The following LGALS3BP variants were observed in gnomAD, a reference collection of about 807,000 sequenced individuals.
LGALS3BP encodes the protein galectin-3-binding protein.
Under a neutral mutation model 22.9 loss-of-function variants are expected in LGALS3BP, and 25 were observed. The ratio of observed to expected loss-of-function variants is 1.09; its 90% confidence interval spans 0.80 to 1.53. The LOEUF (loss-of-function observed/expected upper bound fraction) is 1.53. LGALS3BP is among the 40% of genes most tolerant of loss of function. The pLI, the probability that LGALS3BP is intolerant of heterozygous loss-of-function variation, is 0.00. For synonymous variants in LGALS3BP, 335 were observed against 331.1 expected (o/e 1.01, Z -0.13); for missense variants, 718 against 752.0 (o/e 0.95, Z 0.53).
chr17:78,974,877 C>T (rs1227501504), intron 3 of LGALS3BP, 58 bp from the exon 4 acceptor site: 21 of 1,590,674 alleles, frequency 1.3e-5, no homozygotes, highest in African/African-American at 5.4e-5. Flanking sequence ...AGGAGTCCCA[C>T]AGCGCGACTC....
chr17:78,974,877 C>G, intron 3 of LGALS3BP, 58 bp from the exon 4 acceptor site: 1 of 1,590,792 alleles, frequency 6.3e-7, no homozygotes, highest in East Asian at 2.3e-5. Context: ...AGGAGTCCCA[C>G]AGCGCGACTC....
rs779167306 is a variant in LGALS3BP at position 78,971,908 on chromosome 17, C to A, written c.1426G>T (p.Val476Leu). The change falls in exon 6 of 6, where the codon GTG becomes TTG. Residue 476 changes from valine (V) to leucine (L), a missense_variant. Coordinates refer to ENST00000262776, the MANE Select transcript of LGALS3BP (RefSeq NM_005567.4). The surrounding 1 kb of genome is among the most constrained non-coding windows in gnomAD (Gnocchi z 5.6). ...GGGAGGTAGACCAGGGACCAGGACA[C>A]CCTCTTGTCCTGGAAGAGGAAGCTG... is the stretch of plus-strand genomic sequence containing the variant. ...HPSFLFQDKRVSWSLVYLPTI... is the reference protein window; with the variant it reads ...HPSFLFQDKRLSWSLVYLPTI... 8 of 1,613,896 alleles carry A rather than the reference C, an allele frequency of 5.0e-6. No individual in the cohort carries two copies. Among genetic ancestry groups the A allele is most frequent in the Admixed American group, 1.7e-5 (1 of 59,996 alleles).
At position 78,971,403 on chromosome 17, in the gene LGALS3BP, C is replaced by T. The variant is rs1424403452; in HGVS notation, c.*173G>A. On this transcript the variant is annotated 3_prime_UTR_variant, in exon 6 of 6. Coordinates refer to ENST00000262776, the MANE Select transcript of LGALS3BP (RefSeq NM_005567.4). The surrounding 1 kb of genome is among the most constrained non-coding windows in gnomAD (Gnocchi z 5.6). ...AGGTGGTGGGAGAACTCCTGGTGGA[C>T]CCTAGTGGAAGCCTTCCAGTAATTT... 1.6e-6 allele frequency: 1 copy of T among 626,674 alleles called. No homozygotes were observed. The highest frequency in any genetic ancestry group is 2.7e-6 in the Non-Finnish European group (1 of 364,448). 38.8% of individuals were successfully genotyped at this position (626,674 alleles called of 1,614,324 possible).
At chr17:78,978,046 G>T (rs192864495) in intron 1 of LGALS3BP, among the ~76,000 whole-genome samples, 106 of 152,274 alleles carry the variant, frequency 7.0e-4, no homozygotes, top group African/African-American at 2.5e-3. Flanking sequence ...AGACAGTTAT[G>T]GTTTCTCTGG....
In LGALS3BP at chr17:78,971,298, G is replaced by A. The variant is rs2070667354; in HGVS notation, c.*278C>T. ...TTTAATGACCTCAGACCAGTGACAAGGGCAGACTGACCAGGGGCTGTGGGG... is the reference window on the plus strand; with the variant it reads ...TTTAATGACCTCAGACCAGTGACAAAGGCAGACTGACCAGGGGCTGTGGGG... On this transcript the variant is annotated 3_prime_UTR_variant, in exon 6 of 6. Coordinates refer to ENST00000262776, the MANE Select transcript of LGALS3BP (RefSeq NM_005567.4). The surrounding 1 kb of genome is among the most constrained non-coding windows in gnomAD (Gnocchi z 5.6). 2.0e-6 allele frequency: 1 copy of A among 504,594 alleles called. No homozygotes were observed. Among genetic ancestry groups the A allele is most frequent in the South Asian group, 2.6e-5 (1 of 38,108 alleles). The allele number at this position is 504,594 out of a possible 1,614,324, so 31.3% of individuals were successfully genotyped here.
chr17:78,971,666 G>C lies in LGALS3BP; in HGVS notation c.1668C>G (p.Thr556=). The C allele has an allele frequency of 6.2e-7, 1 of 1,613,848 alleles. No individual in the cohort carries two copies. The highest frequency in any genetic ancestry group is 1.1e-5 in the South Asian group (1 of 91,084). ...SALDTNSSKS[T]SSFPCPAGHF... is the part of the protein sequence containing the mutation. ...GCCCTGCCGGGCAGGGGAAGGAGGA[G>C]GTGCTCTTCGAGCTGTTGGTGTCCA... The change falls in exon 6 of 6, where the codon ACC becomes ACG. Residue 556 remains threonine, a synonymous_variant. Coordinates refer to ENST00000262776, the MANE Select transcript of LGALS3BP (RefSeq NM_005567.4). This position sits in a 1 kb window ranked among gnomAD's most constrained non-coding sequence, Gnocchi z 5.6.
At position 78,976,013 on chromosome 17, in the gene LGALS3BP, C is replaced by T; in HGVS notation, c.196G>A (p.Gly66Ser). The T allele has an allele frequency of 6.2e-7, 1 of 1,612,636 alleles. No homozygotes were observed. The highest frequency in any genetic ancestry group is 1.1e-5 in the South Asian group (1 of 90,916). The change falls in exon 3 of 6, where the codon GGC (glycine) becomes AGC (serine). Residue 66 changes from glycine to serine, a missense_variant. Physicochemically the swap from Gly to Ser is moderately conservative, Grantham distance 56 (BLOSUM62 0). Coordinates refer to ENST00000262776, the MANE Select transcript of LGALS3BP (RefSeq NM_005567.4). This position sits in a 1 kb window ranked among gnomAD's most constrained non-coding sequence, Gnocchi z 4.6. ...AGAGCCTGGGTGGCGTTCTCGAAGC[C>T]CAGGGCCCGGCAGACGACGCTGGCA... ...TDASVVCRAL[G>S]FENATQALGR...
chr17:78,974,829 C>T lies in LGALS3BP; in HGVS notation c.245-10G>A, dbSNP rs1487911837. On this transcript the variant is annotated splice_polypyrimidine_tract_variant and intron_variant, in intron 3 of 5. Transcript: ENST00000262776. ...ATGATGGGGCCTGATCCTGTGGACA[C>T]AGCAGATGGCAGGGCTGGGGGCGTG... The T allele has an allele frequency of 8.1e-6, 13 of 1,611,936 alleles. No individual in the cohort carries two copies. Among genetic ancestry groups the T allele is most frequent in the Non-Finnish European group, 1.0e-5 (12 of 1,178,790 alleles).
chr17:78,976,983 C>G lies in LGALS3BP; in HGVS notation c.52+157G>C. 2 of 745,952 alleles carry G rather than the reference C, an allele frequency of 2.7e-6. No homozygotes were observed. The allele number at this position is 745,952 out of a possible 1,614,324, so 46.2% of individuals were successfully genotyped here. A position where few individuals can be genotyped will look rare whatever the true frequency, so the allele number is the denominator to read the frequency against. ...CCCCCGGGAACCTCCAAGTCATCAT[C>G]ACTGGGGATACCTGGTGCTTCAAGC... is the stretch of plus-strand genomic sequence containing the variant. On this transcript the variant is annotated intron_variant, in intron 2 of 5. Transcript: ENST00000262776. This position sits in a 1 kb window ranked among gnomAD's most constrained non-coding sequence, Gnocchi z 4.6.
At chr17:78,975,877 G>T in intron 3 of LGALS3BP, 88 bp downstream of exon 3, 2 of 711,472 alleles carry the variant, frequency 2.8e-6, no homozygotes, top group Non-Finnish European at 2.1e-6. Context: ...TTTGAAACCT[G>T]ACTGTTTCGT....
Position 78,971,442 on chromosome 17 carries a change from G to A in LGALS3BP, c.*134C>T, listed in dbSNP as rs1270944806. 1.3e-6 allele frequency: 1 copy of A among 767,180 alleles called. No individual in the cohort carries two copies. The highest frequency in any genetic ancestry group is 2.0e-6 in the Non-Finnish European group (1 of 488,322). 47.5% of individuals were successfully genotyped at this position (767,180 alleles called of 1,614,324 possible). ...TTCCAGTAATTTCTTGAAGCTGAGC[G>A]CTCAGGTGAGTAGGGCGACATCTGG... On this transcript the variant is annotated 3_prime_UTR_variant, in exon 6 of 6. Coordinates refer to ENST00000262776, the MANE Select transcript of LGALS3BP (RefSeq NM_005567.4). The surrounding 1 kb of genome is among the most constrained non-coding windows in gnomAD (Gnocchi z 5.6).
rs1183986261 is a variant in LGALS3BP at position 78,971,698 on chromosome 17, T to C, written c.1636A>G (p.Ser546Gly). ...TTCGAGCTGTTGGTGTCCAGGGCACTGGGAATCGCAGCCTTCCAGCCCTCG... is the reference window on the plus strand; with the variant it reads ...TTCGAGCTGTTGGTGTCCAGGGCACCGGGAATCGCAGCCTTCCAGCCCTCG... ...DFEGWKAAIP[S>G]ALDTNSSKST... The change falls in exon 6 of 6, where the codon AGT becomes GGT. Residue 546 changes from serine to glycine, a missense_variant. Transcript: ENST00000262776. The surrounding 1 kb of genome is among the most constrained non-coding windows in gnomAD (Gnocchi z 5.6). 6.2e-7 allele frequency: 1 copy of C among 1,613,916 alleles called. No homozygotes were observed. Among genetic ancestry groups the C allele is most frequent in the South Asian group, 1.1e-5 (1 of 91,082 alleles).
intron 1 of LGALS3BP, among the ~76,000 whole-genome samples, chr17:78,978,516 G>A (rs1363819310): frequency 6.6e-6 from 1 of 152,268 alleles, no homozygotes; most frequent in Non-Finnish European, 1.5e-5. Flanking sequence ...CAGGGGGTCT[G>A]CTCGGGGGAG....
chr17:78,971,562 T>C lies in LGALS3BP; in HGVS notation c.*14A>G. 1 of 1,606,642 alleles carries C rather than the reference T, an allele frequency of 6.2e-7. No individual in the cohort carries two copies. The highest frequency in any genetic ancestry group is 1.3e-5 in the African/African-American group (1 of 74,856). On this transcript the variant is annotated 3_prime_UTR_variant, in exon 6 of 6. Transcript: ENST00000262776. The surrounding 1 kb of genome is among the most constrained non-coding windows in gnomAD (Gnocchi z 5.6). ...TGGGGTTCTCCGGTTCTCACCACCC[T>C]TGGGCCACGCCGTCTAGTCCACACC...
chr17:78,974,912 G>T, intron 3 of LGALS3BP, 93 bp from the exon 4 acceptor site: 1 of 1,508,048 alleles, frequency 6.6e-7, no homozygotes, highest in Non-Finnish European at 9.0e-7. Context: ...CGCCCCGGCC[G>T]TGTGGGTCCA....
chr17:78,971,999 A>G lies in LGALS3BP; in HGVS notation c.1335T>C (p.Asp445=). The change falls in exon 6 of 6, where the codon GAT becomes GAC. Residue 445 remains aspartate (D), a synonymous_variant. Transcript: ENST00000262776. This position sits in a 1 kb window ranked among gnomAD's most constrained non-coding sequence, Gnocchi z 5.6. ...TGTAGTCAGAGGGGGCTTGGAAGTA[A>G]TCAGAAGAATATTTGACCAAAGGCC... is the stretch of plus-strand genomic sequence containing the variant. ...RRGPLVKYSS[D]YFQAPSDYRY... is the part of the protein sequence containing the mutation. 1.9e-6 allele frequency: 3 copies of G among 1,614,070 alleles called. No homozygotes were observed. Among genetic ancestry groups the G allele is most frequent in the Non-Finnish European group, 2.5e-6 (3 of 1,180,020 alleles).
rs141441623 is a variant in LGALS3BP at position 78,978,560 on chromosome 17, T to C, written c.-24+1264A>G. On this transcript the variant is annotated intron_variant, in intron 1 of 5. Transcript: ENST00000262776. ...TCCTCCCTGTGTCAATGTCAGTAGATGGCTAAAGGGGCCAGGGTGTGACCG... is the reference window on the plus strand; with the variant it reads ...TCCTCCCTGTGTCAATGTCAGTAGACGGCTAAAGGGGCCAGGGTGTGACCG... Among the ~76,000 whole-genome samples, 1,148 of 152,348 alleles carry C rather than the reference T, an allele frequency of 7.5e-3. 9 individuals are homozygous for C. The highest frequency in any genetic ancestry group is 0.021 in the Admixed American group (316 of 15,308).
rs2070690351 is a variant in LGALS3BP at position 78,973,173 on chromosome 17, G to C, written c.426C>G (p.Ala142=). 1 of 1,602,478 alleles carries C rather than the reference G, an allele frequency of 6.2e-7. No individual in the cohort carries two copies. Among genetic ancestry groups the C allele is most frequent in the Non-Finnish European group, 8.5e-7 (1 of 1,175,276 alleles). ...TLDLSRELSE[A]LGQIFDSQRG... ...GCTGGCTGTCAAAGATCTGGCCAAG[G>C]GCCTCCGAGAGCTCCCTGGAGAGGT... Residue 142 remains alanine (A), a synonymous_variant, in exon 5 of 6, where the codon GCC becomes GCG. Transcript: ENST00000262776. This position sits in a 1 kb window ranked among gnomAD's most constrained non-coding sequence, Gnocchi z 5.8.
At chr17:78,974,534 G>T in intron 4 of LGALS3BP, 154 bp downstream of exon 4, 1 of 814,258 alleles carries the variant, frequency 1.2e-6, no homozygotes, top group Non-Finnish European at 1.9e-6. Context: ...TGGGCTCTTG[G>T]GACGTCTGGG....
Sources: gnomAD v4.1 joint callset for allele counts (sites outside exome capture counted in the v4.1 genomes callset) on GRCh38, gnomAD v4.1.1 for gene constraint, Gnocchi (gnomAD v3.1) non-coding constraint, MANE v1.5 for transcripts, NCBI Gene and HGNC (gene_info 2026-07-23, HGNC 2026-07-21) for gene names.